Variants in RIT2 observed in about 807,000 individuals in gnomAD.
RIT2 encodes GTP-binding protein Rit2.
A neutral mutation model predicts 23.7 loss-of-function variants in RIT2; 24 were observed. That is an observed-to-expected ratio of 1.01 (90% confidence interval 0.73 to 1.43). The LOEUF is 1.43. Ranked by LOEUF, RIT2 falls within the 40% of genes most tolerant of loss-of-function variation. The pLI, the probability that RIT2 is intolerant of heterozygous loss-of-function variation, is 0.00. For missense variants in RIT2, 236 were observed against 266.9 expected (o/e 0.88, Z 0.81); for synonymous variants, 107 against 91.1 (o/e 1.17, Z -0.99).
intron 3 of RIT2, among the ~76,000 whole-genome samples, chr18:42,931,090 T>C (rs896258245): frequency 2.0e-5 from 3 of 152,092 alleles, no homozygotes; most frequent in African/African-American, 7.2e-5. Context: ...TTCCCATCAC[T>C]AGACTCTAAC....
At chr18:43,052,788 T>C (rs553574769) in intron 1 of RIT2, among the ~76,000 whole-genome samples, 1 of 152,194 alleles carries the variant, frequency 6.6e-6, no homozygotes, top group African/African-American at 2.4e-5. Flanking sequence ...ATCTGCCTTC[T>C]CTCACACTCT....
intron 4 of RIT2, among the ~76,000 whole-genome samples, chr18:42,759,750 CACACAT>C (rs1180922354): frequency 8.1e-4 from 66 of 81,318 alleles, no homozygotes; most frequent in Admixed American, 4.5e-3. Flanking sequence ...CACACACACA[CACACAT>C]ACGGATATAT....
intron 4 of RIT2, among the ~76,000 whole-genome samples, chr18:42,816,587 G>A (rs1906004779): frequency 6.6e-6 from 1 of 152,018 alleles, no homozygotes; most frequent in African/African-American, 2.4e-5. Flanking sequence ...TAAATGAAAG[G>A]CTTACATAAC....
chr18:42,795,917 AC>A (rs1905336287), intron 4 of RIT2, among the ~76,000 whole-genome samples: 1 of 151,974 alleles, frequency 6.6e-6, no homozygotes, highest in Admixed American at 6.6e-5. Context: ...TCTAGTGGGG[AC>A]GTGAAAACCT....
At chr18:42,752,076 C>G (rs1241077295) in intron 4 of RIT2, among the ~76,000 whole-genome samples, 1 of 151,768 alleles carries the variant, frequency 6.6e-6, no homozygotes, top group Non-Finnish European at 1.5e-5. Flanking sequence ...AAAAAAAAAG[C>G]CCCAAAATAT....
At position 42,923,640 on chromosome 18, in the gene RIT2, C is replaced by T. The variant is rs1203158376; in HGVS notation, c.358G>A (p.Val120Ile). 1.2e-6 allele frequency: 2 copies of T among 1,613,268 alleles called. No homozygotes were observed. Among genetic ancestry groups the T allele is most frequent in the Non-Finnish European group, 1.7e-6 (2 of 1,179,622 alleles). The change falls in exon 4 of 5, where the codon GTC becomes ATC. Residue 120 changes from valine (V) to isoleucine (I), a missense_variant. By Grantham distance (29) the Val-to-Ile change is conservative. Coordinates refer to ENST00000326695, the MANE Select transcript of RIT2 (RefSeq NM_002930.4). ...AGGGGAATTTCATAGGTGTGGCGGA[C>T]CTGAAAAATGAGCTCTTTAAACTTG... ...AAKFKELIFQ[V>I]RHTYEIPLVL...
chr18:42,974,273 T>A, intron 2 of RIT2, 126 bp from the exon 3 acceptor site: 1 of 593,794 alleles, frequency 1.7e-6, no homozygotes, highest in South Asian at 2.4e-5. Context: ...TCAAATAACG[T>A]ATATAGATTG....
intron 3 of RIT2, among the ~76,000 whole-genome samples, chr18:42,950,528 C>CA (rs1283761023): frequency 2.0e-5 from 3 of 151,778 alleles, no homozygotes; most frequent in Admixed American, 6.6e-5. Context: ...GCAACTAAAA[C>CA]AAAAAATGAC....
chr18:42,807,274 T>C (rs1905710574), intron 4 of RIT2, among the ~76,000 whole-genome samples: 1 of 152,222 alleles, frequency 6.6e-6, no homozygotes, highest in Non-Finnish European at 1.5e-5. Context: ...TCATACATTT[T>C]AAGCAGCCTT....
chr18:42,828,984 C>T (rs1906382166), intron 4 of RIT2, among the ~76,000 whole-genome samples: 1 of 152,124 alleles, frequency 6.6e-6, no homozygotes, highest in South Asian at 2.1e-4. Flanking sequence ...AGTTTGTGCC[C>T]TTTTCTGGCA....
chr18:42,775,291 T>G (rs1232534625), intron 4 of RIT2, among the ~76,000 whole-genome samples: 2 of 152,134 alleles, frequency 1.3e-5, no homozygotes, highest in African/African-American at 4.8e-5. Flanking sequence ...AATTAAATAT[T>G]TTGGCCCAGA....
chr18:42,758,968 T>C (rs1024824276), intron 4 of RIT2, among the ~76,000 whole-genome samples: 1 of 152,186 alleles, frequency 6.6e-6, no homozygotes, highest in Non-Finnish European at 1.5e-5. Flanking sequence ...AGGCTTGGAC[T>C]GGAGCTATAC....
chr18:43,024,695 T>C (rs1422796437), intron 2 of RIT2, among the ~76,000 whole-genome samples: 1 of 148,406 alleles, frequency 6.7e-6, no homozygotes, highest in Non-Finnish European at 1.5e-5. Flanking sequence ...AGTATCTTCA[T>C]GGAACTCAAA....
intron 4 of RIT2, among the ~76,000 whole-genome samples, chr18:42,858,574 C>A (rs1412960125): frequency 2.0e-5 from 3 of 152,132 alleles, no homozygotes; most frequent in Non-Finnish European, 2.9e-5. Context: ...ATAAAATTGA[C>A]CCACTTAAAG....
chr18:43,063,519 T>C (rs1052976164), intron 1 of RIT2, among the ~76,000 whole-genome samples: 4 of 152,186 alleles, frequency 2.6e-5, no homozygotes, highest in Non-Finnish European at 5.9e-5. Context: ...TTTACTCCCC[T>C]TTTGAAATTA....
intron 4 of RIT2, among the ~76,000 whole-genome samples, chr18:42,882,855 T>A (rs866530662): frequency 2.0e-5 from 3 of 152,192 alleles, no homozygotes; most frequent in South Asian, 4.1e-4. Flanking sequence ...TAGTAAACTA[T>A]GAAAAATTAG....
chr18:43,038,112 G>C (rs1912025197), intron 1 of RIT2, among the ~76,000 whole-genome samples: 1 of 150,746 alleles, frequency 6.6e-6, no homozygotes, highest in African/African-American at 2.4e-5. Context: ...GGCTGAGGCA[G>C]GAGAATAGTG....
chr18:42,807,666 T>C (rs1345323593), intron 4 of RIT2, among the ~76,000 whole-genome samples: 1 of 152,092 alleles, frequency 6.6e-6, no homozygotes, highest in Non-Finnish European at 1.5e-5. Context: ...TGAAACTGTT[T>C]ATCCTGAGTG....
intron 4 of RIT2, among the ~76,000 whole-genome samples, chr18:42,838,438 T>TA (rs150421140): frequency 0.016 from 2,449 of 152,216 alleles, 76 homozygotes; most frequent in African/African-American, 0.056. Flanking sequence ...ATTATAACAA[T>TA]AAAAATTACT....
Sources: gnomAD v4.1 joint callset for allele counts (sites outside exome capture counted in the v4.1 genomes callset) on GRCh38, gnomAD v4.1.1 for gene constraint, MANE v1.5 for transcripts, NCBI Gene and HGNC (gene_info 2026-07-23, HGNC 2026-07-21) for gene names.